The following CARMIL2 variants were observed in gnomAD, a reference collection of about 807,000 sequenced individuals.
CARMIL2 encodes the protein capping protein, Arp2/3 and myosin-I linker protein 2.
CARMIL2 carries 96 observed loss-of-function variants against 173.3 expected under a neutral mutation model. The ratio of observed to expected loss-of-function variants is 0.55; its 90% CI spans 0.47 to 0.66. CARMIL2 has a LOEUF of 0.66. CARMIL2 is among the 30% of genes least tolerant of loss of function. The pLI, the probability that CARMIL2 is intolerant of heterozygous loss-of-function variation, is 0.00. For synonymous variants in CARMIL2, 830 were observed against 817.1 expected, an observed-to-expected ratio of 1.02 and a Z score of -0.27; for missense variants, 1,771 against 1,906.7, an observed-to-expected ratio of 0.93 and a Z score of 1.33.
At position 67,652,312 on chromosome 16, in the gene CARMIL2, CGAGGAGAAGGAA is replaced by C; in HGVS notation, c.2802_2813del (p.Glu935_Glu938del). 6 of 1,613,086 alleles carry C rather than the reference CGAGGAGAAGGAA, an allele frequency of 3.7e-6. No homozygotes were observed. The highest frequency in any genetic ancestry group is 3.4e-6 in the Non-Finnish European group (4 of 1,179,786). On this transcript the variant is annotated inframe_deletion, in exon 27 of 38. Coordinates refer to ENST00000334583, the MANE Select transcript of CARMIL2 (RefSeq NM_001013838.3). This position sits in a 1 kb window ranked among gnomAD's most constrained non-coding sequence, Gnocchi z 4.7. ...GGGAATTGGAAGGTCTTTTCTTCCCCGAGGAGAAGGAAGAGGAGAAGGAGAAGGTAAGTGGTT... is the reference window on the plus strand; with the variant it reads ...GGGAATTGGAAGGTCTTTTCTTCCCCGAGGAGAAGGAGAAGGTAAGTGGTT...
chr16:67,655,932 G>A, intron 32 of CARMIL2, 99 bp from the exon 33 acceptor site: 1 of 1,411,986 alleles, frequency 7.1e-7, no homozygotes. Flanking sequence ...CCAGCCCATG[G>A]TGGGCATTCA....
rs2052595217 is a variant in CARMIL2 at position 67,646,449 on chromosome 16, C to T, written c.398C>T (p.Pro133Leu). The T allele has an allele frequency of 6.2e-7, 1 of 1,613,764 alleles. No homozygotes were observed. Among genetic ancestry groups the T allele is most frequent in the Non-Finnish European group, 8.5e-7 (1 of 1,179,862 alleles). ...TLGKLFRRPT[P>L]ASMLARLERS... is the part of the protein sequence containing the mutation. ...AGGAAGCTATTCCGGAGGCCCACAC[C>T]AGCCTCCATGCTGGCTCGGCTGGAG... The change falls in exon 6 of 38, where the codon CCA becomes CTA. Residue 133 changes from proline (P) to leucine (L), a missense_variant. Physicochemically the swap from Pro to Leu is moderately conservative, Grantham distance 98 (BLOSUM62 -3). This residue lies in a region of CARMIL2 where 944 missense variants were observed against 975.6 expected (regional missense o/e 0.97). Transcript: ENST00000334583. This position sits in a 1 kb window ranked among gnomAD's most constrained non-coding sequence, Gnocchi z 4.6.
At position 67,651,498 on chromosome 16, in the gene CARMIL2, G is replaced by C. The variant is rs2052722281; in HGVS notation, c.2411G>C (p.Cys804Ser). The C allele has an allele frequency of 6.3e-7, 1 of 1,591,572 alleles. No homozygotes were observed. Among genetic ancestry groups the C allele is most frequent in the African/African-American group, 1.3e-5 (1 of 74,470 alleles). Residue 804 changes from cysteine to serine, a missense_variant, in exon 24 of 38, where the codon TGC (cysteine) becomes TCC (serine). Cys to Ser is a moderately radical substitution (Grantham distance 112, BLOSUM62 -1). Transcript: ENST00000334583. The surrounding 1 kb of genome is among the most constrained non-coding windows in gnomAD (Gnocchi z 4.2). The part of the protein sequence containing the change: ...EGLLRQVGEV[C>S]RQDIQDFTQA... ...CTTCTGAGACAGGTGGGCGAGGTCTGCCGCCAGGACATCCAGGTGAGAGGG... is the reference window on the plus strand; with the variant it reads ...CTTCTGAGACAGGTGGGCGAGGTCTCCCGCCAGGACATCCAGGTGAGAGGG...
At chr16:67,654,011 G>A in intron 29 of CARMIL2, 138 bp from the exon 30 acceptor site, 1 of 614,450 alleles carries the variant, frequency 1.6e-6, no homozygotes, top group Admixed American at 2.9e-5. Flanking sequence ...ACAGTAGGAG[G>A]CTGGTATCAG....
At chr16:67,647,267 C>CAGCCCGCTGAGGGCCAGGGTGT in intron 9 of CARMIL2, 32 bp from the exon 10 acceptor site, 1 of 1,609,960 alleles carries the variant, frequency 6.2e-7, no homozygotes, top group Admixed American at 1.7e-5. Context: ...GGCCAGGGTG[C>CAGCCCGCTGAGGGCCAGGGTGT]AGCCCGTGAG....
rs2052598899 is a variant in CARMIL2 at position 67,646,612 on chromosome 16, A to G, written c.466+95A>G. ...GGGGGGCCCCAAACTGAACAGAGCCATTCAGGTCCCAGCCACCACCTAGTC... is the reference window on the plus strand; with the variant it reads ...GGGGGGCCCCAAACTGAACAGAGCCGTTCAGGTCCCAGCCACCACCTAGTC... On this transcript the variant is annotated intron_variant, in intron 6 of 37. Transcript: ENST00000334583. The surrounding 1 kb of genome is among the most constrained non-coding windows in gnomAD (Gnocchi z 4.6). 4 of 1,568,674 alleles carry G rather than the reference A, an allele frequency of 2.5e-6. No individual in the cohort carries two copies. Among genetic ancestry groups the G allele is most frequent in the Non-Finnish European group, 3.5e-6 (4 of 1,140,184 alleles).
chr16:67,648,791 AGAGGCGCTGG>A lies in CARMIL2; in HGVS notation c.1509+44_1509+53del. The A allele has an allele frequency of 6.3e-7, 1 of 1,577,086 alleles. No homozygotes were observed. Among genetic ancestry groups the A allele is most frequent in the Non-Finnish European group, 8.6e-7 (1 of 1,162,052 alleles). On this transcript the variant is annotated intron_variant, in intron 16 of 37. Coordinates refer to ENST00000334583, the MANE Select transcript of CARMIL2 (RefSeq NM_001013838.3). This position sits in a 1 kb window ranked among gnomAD's most constrained non-coding sequence, Gnocchi z 6.1. ...CCCCCAGAAGAGACCACACATTGGG[AGAGGCGCTGG>A]GAGGCGGAAGGGCAGGGCCGTGGGC...
rs1278614363 is a variant in CARMIL2 at position 67,648,911 on chromosome 16, C to T, written c.1528C>T (p.Gln510Ter). The change falls in exon 17 of 38, where the codon CAG (glutamine) becomes TAG (stop). Residue 510 changes from glutamine to a stop codon, truncating the protein, a stop_gained. Transcript: ENST00000334583. LOFTEE classifies it high-confidence loss of function. The surrounding 1 kb of genome is among the most constrained non-coding windows in gnomAD (Gnocchi z 6.1). ...CATACAGCTGCGCTCGGCCGGCGCC[C>T]AGGTGATACAAGACTTAGTGTGCGA... ...SACELRSAGA[Q>*]VIQDLVCDAG... 4 of 1,608,118 alleles carry T rather than the reference C, an allele frequency of 2.5e-6. No individual in the cohort carries two copies. Among genetic ancestry groups the T allele is most frequent in the Non-Finnish European group, 3.4e-6 (4 of 1,177,678 alleles).
chr16:67,649,934 G>A lies in CARMIL2; in HGVS notation c.2048G>A (p.Ser683Asn), dbSNP rs1442009941. ...AACGACGTGGCCCAGGCGCAGCGCAGCCGCCCGGAACTGACAGCACGTGCA... is the reference window on the plus strand; with the variant it reads ...AACGACGTGGCCCAGGCGCAGCGCAACCGCCCGGAACTGACAGCACGTGCA... ...PLNDVAQAQRSRPELTARAVH... is the reference protein window; with the variant it reads ...PLNDVAQAQRNRPELTARAVH... The change falls in exon 21 of 38, where the codon AGC (serine) becomes AAC (asparagine). Residue 683 changes from serine to asparagine, a missense_variant. Physicochemically the swap from Ser to Asn is conservative, Grantham distance 46. Coordinates refer to ENST00000334583, the MANE Select transcript of CARMIL2 (RefSeq NM_001013838.3). The surrounding 1 kb of genome is among the most constrained non-coding windows in gnomAD (Gnocchi z 6.7). 1 of 1,613,206 alleles carries A rather than the reference G, an allele frequency of 6.2e-7. No individual in the cohort carries two copies. The highest frequency in any genetic ancestry group is 8.5e-7 in the Non-Finnish European group (1 of 1,179,836).
In CARMIL2 at chr16:67,647,282, C is replaced by A. The variant is rs1043546341; in HGVS notation, c.688-17C>A. 7 of 1,608,688 alleles carry A rather than the reference C, an allele frequency of 4.4e-6. No homozygotes were observed. The highest frequency in any genetic ancestry group is 5.1e-6 in the Non-Finnish European group (6 of 1,177,334). ...GGCCAGGGTGCAGCCCGTGAGCCGC[C>A]GCCCTCTGCTTCTCAGAGCCTTGAG... On this transcript the variant is annotated splice_polypyrimidine_tract_variant and intron_variant, in intron 9 of 37. Transcript: ENST00000334583.
rs759584889 is a variant in CARMIL2 at position 67,651,829 on chromosome 16, G to A, written c.2572G>A (p.Ala858Thr). ...GCTCCCAGAGCAGCTGCTGCAAGAT[G>A]CCTTCACTAGGCTCAGGTAGGCTGG... ...ELLPEQLLQD[A>T]FTRLRDMRLS... The change falls in exon 25 of 38, where the codon GCC (alanine) becomes ACC (threonine). Residue 858 changes from alanine to threonine, a missense_variant. Transcript: ENST00000334583. The surrounding 1 kb of genome is among the most constrained non-coding windows in gnomAD (Gnocchi z 4.2). The A allele has an allele frequency of 1.2e-5, 19 of 1,612,210 alleles. No homozygotes were observed. The highest frequency in any genetic ancestry group is 7.7e-5 in the South Asian group (7 of 91,080).
At position 67,648,126 on chromosome 16, in the gene CARMIL2, C is replaced by G. The variant is rs1186341858; in HGVS notation, c.1146C>G (p.Asp382Glu). 4.3e-6 allele frequency: 7 copies of G among 1,612,918 alleles called. 1 individual carries two copies. In the South Asian group the frequency reaches 7.7e-5, roughly 18 times the overall value. Residue 382 changes from aspartate (D) to glutamate (E), a missense_variant, in exon 14 of 38, where the codon GAC becomes GAG. Around this residue, in one of 3 missense-constraint regions of CARMIL2, gnomAD observed 944 missense variants for 975.6 expected, o/e 0.97. Coordinates refer to ENST00000334583, the MANE Select transcript of CARMIL2 (RefSeq NM_001013838.3). This position sits in a 1 kb window ranked among gnomAD's most constrained non-coding sequence, Gnocchi z 6.1. ...TCGCAGGCACCGACACTGCCCTGGA[C>G]ACTGTGAGGGGGTGCTCCGTGGGGG... ...LNLAGTDTAL[D>E]TVRGCSVGGW...
At position 67,650,169 on chromosome 16, in the gene CARMIL2, A is replaced by G. The variant is rs763977784; in HGVS notation, c.2184+19A>G. On this transcript the variant is annotated intron_variant, in intron 22 of 37. Transcript: ENST00000334583. ...AGAGCAGGTCAATGTCCCCTCCCCA[A>G]CCACGAGAGGTAGGGCATGAGGAGA... 4.4e-6 allele frequency: 7 copies of G among 1,587,180 alleles called. No homozygotes were observed. In the South Asian group the frequency reaches 7.9e-5, roughly 18 times the overall value.
rs755055465 is a variant in CARMIL2, at chr16:67,649,656, G to A, written c.1919+37G>A. ...CAGAGGGGTGGGACCAGCGGGCAGG[G>A]GGCGCGGTGGAGAGGAGGGCACCGG... On this transcript the variant is annotated intron_variant, in intron 20 of 37. Transcript: ENST00000334583. The surrounding 1 kb of genome is among the most constrained non-coding windows in gnomAD (Gnocchi z 6.7). The A allele has an allele frequency of 1.7e-5, 26 of 1,565,274 alleles. No individual in the cohort carries two copies. Among genetic ancestry groups the A allele is most frequent in the Non-Finnish European group, 2.2e-5 (26 of 1,160,204 alleles).
At chr16:67,645,519 C>A in intron 1 of CARMIL2, 21 bp from the exon 2 acceptor site, 1 of 1,572,070 alleles carries the variant, frequency 6.4e-7, no homozygotes, top group South Asian at 1.2e-5. Context: ...TGAAGTCACC[C>A]AGCAGGCTGC....
Position 67,652,366 on chromosome 16 carries a change from G to A in CARMIL2, c.2817+27G>A. On this transcript the variant is annotated intron_variant, in intron 27 of 37. Coordinates refer to ENST00000334583, the MANE Select transcript of CARMIL2 (RefSeq NM_001013838.3). This position sits in a 1 kb window ranked among gnomAD's most constrained non-coding sequence, Gnocchi z 4.7. ...TAAGTGGTTTTAGAACACGGGGCAT[G>A]GCACTCCCAGTCTTCCCATCTTGCT... 1 of 1,612,654 alleles carries A rather than the reference G, an allele frequency of 6.2e-7. No individual in the cohort carries two copies. Among genetic ancestry groups the A allele is most frequent in the Non-Finnish European group, 8.5e-7 (1 of 1,179,302 alleles).
Position 67,653,062 on chromosome 16 carries a change from G to T in CARMIL2, c.2928G>T (p.Pro976=), listed in dbSNP as rs1407351491. 3 of 1,266,986 alleles carry T rather than the reference G, an allele frequency of 2.4e-6. No homozygotes were observed. Among genetic ancestry groups the T allele is most frequent in the South Asian group, 1.5e-5 (1 of 66,228 alleles). The allele number at this position is 1,266,986 out of a possible 1,614,324, so 78.5% of individuals were successfully genotyped here. A position where few individuals can be genotyped will look rare whatever the true frequency, so the allele number is the denominator to read the frequency against. ...EAEPEPELAA[P]GEDAEPQAGP... ...AGCCGGAGCCCGAGCTGGCGGCTCC[G>T]GGAGAAGATGCAGAGCCGCAGGCGG... The change falls in exon 29 of 38, where the codon CCG becomes CCT. Residue 976 remains proline, a synonymous_variant. Coordinates refer to ENST00000334583, the MANE Select transcript of CARMIL2 (RefSeq NM_001013838.3). The surrounding 1 kb of genome is among the most constrained non-coding windows in gnomAD (Gnocchi z 7.4).
rs371830987 is a variant in CARMIL2 at position 67,646,432 on chromosome 16, A to G, written c.381A>G (p.Leu127=). The G allele has an allele frequency of 6.2e-6, 10 of 1,613,472 alleles. No homozygotes were observed. The highest frequency in any genetic ancestry group is 5.3e-5 in the African/African-American group (4 of 74,908). ...CTCCTTAACCCCCTACCAGGAAGCT[A>G]TTCCGGAGGCCCACACCAGCCTCCA... ...KVFPRSTLGK[L]FRRPTPASML... The change falls in exon 6 of 38, where the codon CTA becomes CTG. Residue 127 remains leucine, a synonymous_variant. Coordinates refer to ENST00000334583, the MANE Select transcript of CARMIL2 (RefSeq NM_001013838.3). This position sits in a 1 kb window ranked among gnomAD's most constrained non-coding sequence, Gnocchi z 4.6.
chr16:67,649,819 G>A lies in CARMIL2; in HGVS notation c.1933G>A (p.Asp645Asn), dbSNP rs1290798373. The A allele has an allele frequency of 1.2e-6, 2 of 1,611,986 alleles. No homozygotes were observed. The highest frequency in any genetic ancestry group is 1.3e-5 in the African/African-American group (1 of 74,916). ...GGCCCGGCCCAGGTCTGTGGTCTGG[G>A]ACCGGAACCACACATCTGCTTTGGG... ...VNSRLRSVVWDRNHTSALGLL... is the reference protein window; with the variant it reads ...VNSRLRSVVWNRNHTSALGLL... Residue 645 changes from aspartate to asparagine, a missense_variant, in exon 21 of 38, where the codon GAC (aspartate) becomes AAC (asparagine). Asp to Asn is a conservative substitution (Grantham distance 23). Around this residue, in one of 3 missense-constraint regions of CARMIL2, gnomAD observed 944 missense variants for 975.6 expected, o/e 0.97. Transcript: ENST00000334583. The surrounding 1 kb of genome is among the most constrained non-coding windows in gnomAD (Gnocchi z 6.7).
Sources: gnomAD v4.1 joint callset for allele counts on GRCh38, gnomAD v4.1.1 for gene constraint, gnomAD v4.1.1 regional missense constraint, Gnocchi (gnomAD v3.1) non-coding constraint, MANE v1.5 for transcripts, NCBI Gene and HGNC (gene_info 2026-07-23, HGNC 2026-07-21) for gene names.